RBM41: variants seen among roughly 807,000 people sequenced by gnomAD.
RBM41 encodes the protein RNA binding motif protein 41.
In RBM41, 14 loss-of-function variants were observed where a neutral mutation model predicts 30.8. The ratio of observed to expected loss-of-function variants is 0.45; its 90% CI spans 0.30 to 0.71. The LOEUF (loss-of-function observed/expected upper bound fraction) is 0.71. RBM41 is among the 30% of genes least tolerant of loss of function. RBM41 has a pLI of 0.08. For missense variants in RBM41, 276 were observed against 326.3 expected, an observed-to-expected ratio of 0.85 and a Z score of 1.19; for synonymous variants, 120 against 110.1, an observed-to-expected ratio of 1.09 and a Z score of -0.56.
chrX:107,086,743 A>G (rs185782542), intron 6 of RBM41, among the ~76,000 whole-genome samples: 11 of 112,189 alleles, frequency 9.8e-5, no homozygotes, highest in African/African-American at 2.6e-4. Context: ...AGTCTGGCAT[A>G]TGTGCAACAA....
At chrX:107,095,755 G>A (rs908996815) in intron 5 of RBM41, among the ~76,000 whole-genome samples, 2 of 111,540 alleles carry the variant, frequency 1.8e-5, no homozygotes, top group Non-Finnish European at 3.8e-5. Flanking sequence ...GCTCATACCT[G>A]TAATCCCAGT....
chrX:107,077,573 A>ACACACACACACAC (rs1921085473), intron 6 of RBM41, among the ~76,000 whole-genome samples: 1 of 92,675 alleles, frequency 1.1e-5, no homozygotes, highest in African/African-American at 4.2e-5. Flanking sequence ...CAACATACAT[A>ACACACACACACAC]ACACACACAC....
the RBM41 span, among the ~76,000 whole-genome samples, chrX:107,054,596 G>T: frequency 9.0e-6 from 1 of 111,704 alleles, no homozygotes; most frequent in Non-Finnish European, 1.9e-5. Context: ...GCCGTACCTG[G>T]GAATCTGTAT....
rs1923902270 is a variant in RBM41 at position 107,105,661 on chromosome X, A to G, written c.595+7736T>C. On this transcript the variant is annotated intron_variant, in intron 5 of 7. Transcript: ENST00000685964. Reference sequence around the variant, plus strand: ...ACCAAAACAGCATGGTACTGGTACCAAAACAGAGATATAGACCAATGGAAC... The same window carrying G: ...ACCAAAACAGCATGGTACTGGTACCGAAACAGAGATATAGACCAATGGAAC... 2.7e-5 allele frequency among the ~76,000 whole-genome samples: 3 copies of G among 111,610 alleles called. 1 individual carries two copies. The Admixed American group carries it at 2.8e-4, about 11-fold the overall frequency.
chrX:107,071,979 C>A (rs1034323723), intron 6 of RBM41, among the ~76,000 whole-genome samples: 7 of 111,196 alleles, frequency 6.3e-5, no homozygotes, highest in African/African-American at 2.3e-4. Context: ...TTGAAATGAT[C>A]ATCCATGTAG....
rs1935795408 is a variant in RBM41 at position 107,065,335 on chromosome X, T to A, written c.*2192A>T. On this transcript the variant is annotated 3_prime_UTR_variant, in exon 8 of 8. Transcript: ENST00000685964. Reference sequence around the variant, plus strand: ...TGCTTCTCCATTCCTTCTTTTGCATTATTTCATAATGTGATATTTACATTT... The same window carrying A: ...TGCTTCTCCATTCCTTCTTTTGCATAATTTCATAATGTGATATTTACATTT... The A allele has an allele frequency of 8.9e-6, 1 of 112,851 alleles. No homozygotes were observed. Among genetic ancestry groups the A allele is most frequent in the African/African-American group, 3.2e-5 (1 of 30,976 alleles). 9.3% of individuals were successfully genotyped at this position (112,851 alleles called of 1,213,427 possible).
chrX:107,078,661 G>T (rs1431692717), intron 6 of RBM41, among the ~76,000 whole-genome samples: 1 of 111,212 alleles, frequency 9.0e-6, no homozygotes, highest in African/African-American at 3.3e-5. Context: ...TGCACAAGTT[G>T]TTCTGGCTTT....
intron 6 of RBM41, among the ~76,000 whole-genome samples, chrX:107,082,015 A>T (rs1475118805): frequency 1.8e-5 from 2 of 111,341 alleles, no homozygotes; most frequent in Admixed American, 9.6e-5. Flanking sequence ...AATTTCCTTC[A>T]CTTGTTTTAT....
At chrX:107,096,091 C>T (rs1922943402) in intron 5 of RBM41, among the ~76,000 whole-genome samples, 1 of 111,771 alleles carries the variant, frequency 8.9e-6, no homozygotes, top group Admixed American at 9.5e-5. Flanking sequence ...TTAAAAACTA[C>T]AAAACAATGC....
At chrX:107,108,044 A>G (rs1316409904) in intron 5 of RBM41, among the ~76,000 whole-genome samples, 1 of 111,813 alleles carries the variant, frequency 8.9e-6, no homozygotes, top group Non-Finnish European at 1.9e-5. Flanking sequence ...ATCACACTTA[A>G]TAAACCAATA....
chrX:107,064,102 C>A lies in RBM41; in HGVS notation c.*3425G>T, dbSNP rs1262364995. 9.2e-6 allele frequency among the ~76,000 whole-genome samples: 1 copy of A among 108,840 alleles called. No individual in the cohort carries two copies. The highest frequency in any genetic ancestry group is 1.9e-5 in the Non-Finnish European group (1 of 52,421). 94.5% of individuals were successfully genotyped at this position (108,840 alleles called of 115,157 possible). On this transcript the variant is annotated 3_prime_UTR_variant, in exon 8 of 8. Transcript: ENST00000685964. ...GAGTAGCTGGGACTACAGGTGCCCA[C>A]GACCACGCCTGGCTAATTTTTTGTA...
rs1275015996 is a variant in RBM41, at chrX:107,105,790, A to G, written c.595+7607T>C. Among the ~76,000 whole-genome samples the G allele has an allele frequency of 2.1e-3, 234 of 111,678 alleles. 1 individual carries two copies. Among genetic ancestry groups the G allele is most frequent in the East Asian group, 3.4e-3 (12 of 3,550 alleles). ...GGAAACGATTCCCTATTTAATAAAC[A>G]GTGCTGGGAAAACTGGCTAGCCATA... On this transcript the variant is annotated intron_variant, in intron 5 of 7. Transcript: ENST00000685964.
chrX:107,098,456 AAG>A (rs1923169617), intron 5 of RBM41, among the ~76,000 whole-genome samples: 1 of 111,807 alleles, frequency 8.9e-6, no homozygotes, highest in African/African-American at 3.3e-5. Context: ...AAAGGAACAA[AAG>A]AGAGAATCAA....
At chrX:107,071,554 C>A (rs1310045132) in intron 6 of RBM41, among the ~76,000 whole-genome samples, 2 of 111,773 alleles carry the variant, frequency 1.8e-5, no homozygotes, top group African/African-American at 6.5e-5. Flanking sequence ...AGCTCATACA[C>A]CTTGACTAAG....
rs375613187 is a variant in RBM41 at position 107,069,131 on chromosome X, G to A, written c.1147+124C>T. The stretch of plus-strand genomic sequence containing the variant: ...AAGAAACACTGAAAACATATTTTTC[G>A]TTCATTGTCTTGTTCTCACATGCTG... On this transcript the variant is annotated intron_variant, in intron 7 of 7. Coordinates refer to ENST00000685964, the MANE Select transcript of RBM41 (RefSeq NM_001324242.2). 147 of 642,379 alleles carry A rather than the reference G, an allele frequency of 2.3e-4. 1 individual carries two copies. Among genetic ancestry groups the A allele is most frequent in the Non-Finnish European group, 1.8e-5 (8 of 435,659 alleles). 52.9% of individuals were successfully genotyped at this position (642,379 alleles called of 1,213,427 possible).
rs545275169 is a variant in RBM41 at position 107,095,263 on chromosome X, A to G, written c.596-6424T>C. On this transcript the variant is annotated intron_variant, in intron 5 of 7. Coordinates refer to ENST00000685964, the MANE Select transcript of RBM41 (RefSeq NM_001324242.2). The stretch of plus-strand genomic sequence containing the variant: ...AGGTATCCATAATAAAACTTTTAGA[A>G]TAAAAGAGTTTAGTCACAGGATACA... 2.7e-4 allele frequency among the ~76,000 whole-genome samples: 30 copies of G among 111,561 alleles called. No individual in the cohort carries two copies. The South Asian group carries it at 0.011, about 42-fold the overall frequency.
chrX:107,067,724 A>G, intron 7 of RBM41, 31 bp from the exon 8 acceptor site: 2 of 1,143,580 alleles, frequency 1.7e-6, no homozygotes, highest in African/African-American at 3.6e-5. Flanking sequence ...TTCAATTTAC[A>G]TAGGACTTAA....
chrX:107,094,816 C>A (rs1922828674), intron 5 of RBM41, among the ~76,000 whole-genome samples: 1 of 110,874 alleles, frequency 9.0e-6, no homozygotes, highest in South Asian at 3.9e-4. Context: ...ATGCAGGTAA[C>A]CTCTAGGATC....
chrX:107,118,744 T>G, intron 1 of RBM41, 22 bp downstream of exon 1: 15 of 1,211,707 alleles, frequency 1.2e-5, no homozygotes, highest in Non-Finnish European at 1.7e-5. Context: ...CCTTGCCGCC[T>G]GCTCTTCAGA....
Sources: allele counts gnomAD v4.1 joint callset (sites outside exome capture counted in the v4.1 genomes callset), GRCh38; gene constraint gnomAD v4.1.1; transcripts MANE v1.5; gene names NCBI Gene and HGNC (gene_info 2026-07-23, HGNC 2026-07-21).